The following CTNNA3 variants were observed in gnomAD, a reference collection of about 807,000 sequenced individuals.
The protein encoded by CTNNA3 is catenin alpha 3, also known as catenin alpha-3.
Under a neutral mutation model 95.7 loss-of-function variants are expected in CTNNA3, and 76 were observed. The observed-to-expected ratio is 0.79, with a 90% confidence interval of 0.66 to 0.96. The LOEUF (loss-of-function observed/expected upper bound fraction) is 0.96. Among genes scored for constraint, CTNNA3 ranks in the 40% least tolerant of loss-of-function variants. The pLI, the probability that CTNNA3 is intolerant of heterozygous loss-of-function variation, is 0.00. For missense variants in CTNNA3, 1,191 were observed against 1,089.8 expected (o/e 1.09, Z -1.31); for synonymous variants, 431 against 374.4 (o/e 1.15, Z -1.74).
At chr10:67,274,495 G>A (rs576524183) in intron 5 of CTNNA3, among the ~76,000 whole-genome samples, 41 of 152,092 alleles carry the variant, frequency 2.7e-4, no homozygotes, top group Admixed American at 1.1e-3. Context: ...ATTTACAATC[G>A]CCATGAGAGA....
Position 67,730,311 on chromosome 10 carries a change from T to C in CTNNA3, c.-2+33123A>G, listed in dbSNP as rs536838544. On this transcript the variant is annotated intron_variant, in intron 1 of 17. Transcript: ENST00000684154. ...CAAAATTTAGCCCTCATTGGACCTT[T>C]CCTTGGGCATTTTTTTTTTAAGAAT... Among the ~76,000 whole-genome samples, 11 of 150,134 alleles carry C rather than the reference T, an allele frequency of 7.3e-5. 1 individual carries two copies. The East Asian group carries it at 1.7e-3, about 24-fold the overall frequency.
At chr10:66,293,890 C>T (rs968035047) in intron 12 of CTNNA3, among the ~76,000 whole-genome samples, 3 of 152,022 alleles carry the variant, frequency 2.0e-5, no homozygotes, top group Admixed American at 6.6e-5. Context: ...TGGTCTTGAA[C>T]TCCTGACCTC....
At chr10:66,038,147 T>C (rs961233456) in intron 15 of CTNNA3, among the ~76,000 whole-genome samples, 6 of 152,240 alleles carry the variant, frequency 3.9e-5, no homozygotes, top group Non-Finnish European at 8.8e-5. Flanking sequence ...TACAGTTTCA[T>C]GTCTATATGT....
chr10:66,962,219 G>A (rs1849148511), intron 7 of CTNNA3, among the ~76,000 whole-genome samples: 2 of 151,924 alleles, frequency 1.3e-5, no homozygotes, highest in African/African-American at 4.8e-5. Flanking sequence ...ATGCCTCAAG[G>A]CCTAACAGAA....
intron 10 of CTNNA3, among the ~76,000 whole-genome samples, chr10:66,529,450 G>GTT (rs58249940): frequency 5.5e-4 from 78 of 141,592 alleles, no homozygotes; most frequent in African/African-American, 1.5e-3. Flanking sequence ...TTTTTTTTTT[G>GTT]TTTTTTTTTT....
Position 67,723,269 on chromosome 10 carries a change from G to T in CTNNA3, c.-2+40165C>A, listed in dbSNP as rs77484418. Among the ~76,000 whole-genome samples the T allele has an allele frequency of 0.033, 5,021 of 151,448 alleles. 600 individuals are homozygous for T. In the East Asian group the frequency reaches 0.44, roughly 13 times the overall value. On this transcript the variant is annotated intron_variant, in intron 1 of 17. Transcript: ENST00000684154. ...CCCAAAGTGCTGGGATTATAGGCATGAGCCACGGCACCTGGCCTCTTTTTT... is the reference window on the plus strand; with the variant it reads ...CCCAAAGTGCTGGGATTATAGGCATTAGCCACGGCACCTGGCCTCTTTTTT...
intron 7 of CTNNA3, among the ~76,000 whole-genome samples, chr10:66,946,626 C>T (rs369527402): frequency 1.8e-4 from 27 of 152,184 alleles, no homozygotes; most frequent in Non-Finnish European, 2.9e-4. Context: ...TTTACATAAA[C>T]GCAATCATAA....
intron 5 of CTNNA3, among the ~76,000 whole-genome samples, chr10:67,386,356 T>C (rs116689581): frequency 0.012 from 1,900 of 152,288 alleles, 40 homozygotes; most frequent in African/African-American, 0.042. Flanking sequence ...TTTTTCTTTA[T>C]ACAGACATTA....
intron 7 of CTNNA3, among the ~76,000 whole-genome samples, chr10:66,908,619 A>G (rs185711010): frequency 6.6e-6 from 1 of 152,292 alleles, no homozygotes; most frequent in East Asian, 1.9e-4. Flanking sequence ...ATAAACTGAG[A>G]ACTTATAAAA....
At chr10:66,147,625 T>C (rs1488832516) in intron 13 of CTNNA3, among the ~76,000 whole-genome samples, 1 of 150,052 alleles carries the variant, frequency 6.7e-6, no homozygotes. Flanking sequence ...TTTTTTTTTT[T>C]TTTTTGTCGT....
chr10:67,527,415 A>T (rs1256726886), intron 4 of CTNNA3, among the ~76,000 whole-genome samples: 1 of 152,210 alleles, frequency 6.6e-6, no homozygotes, highest in Non-Finnish European at 1.5e-5. Context: ...GCAAGGAAAA[A>T]ATTAATCTTG....
intron 5 of CTNNA3, among the ~76,000 whole-genome samples, chr10:67,454,045 T>G (rs372983473): frequency 6.6e-6 from 1 of 152,164 alleles, no homozygotes; most frequent in Non-Finnish European, 1.5e-5. Flanking sequence ...AAATAAAATA[T>G]GCATTGGATA....
At chr10:66,639,183 T>C (rs1845434757) in intron 9 of CTNNA3, among the ~76,000 whole-genome samples, 2 of 130,716 alleles carry the variant, frequency 1.5e-5, no homozygotes, top group South Asian at 5.3e-4. Context: ...TCAAAGGCTA[T>C]GGTACATTAG....
chr10:67,356,928 CATAATGA>C (rs1205551629), intron 5 of CTNNA3, among the ~76,000 whole-genome samples: 3 of 152,142 alleles, frequency 2.0e-5, no homozygotes, highest in African/African-American at 7.2e-5. Context: ...ACTTTAAATT[CATAATGA>C]TAATCTTCAA....
chr10:67,037,776 AC>A (rs1854154698), intron 7 of CTNNA3, among the ~76,000 whole-genome samples: 2 of 152,200 alleles, frequency 1.3e-5, no homozygotes, highest in Non-Finnish European at 2.9e-5. Flanking sequence ...TTTAACTTGA[AC>A]AAATACATGG....
At chr10:66,867,145 T>C (rs1316380032) in intron 7 of CTNNA3, among the ~76,000 whole-genome samples, 2 of 152,156 alleles carry the variant, frequency 1.3e-5, no homozygotes, top group African/African-American at 2.4e-5. Flanking sequence ...AATTACCCAG[T>C]CTCAGGTATG....
At chr10:67,105,943 G>A (rs540256354) in intron 7 of CTNNA3, among the ~76,000 whole-genome samples, 4 of 152,294 alleles carry the variant, frequency 2.6e-5, no homozygotes, top group African/African-American at 9.6e-5. Context: ...TAAGTTCAGT[G>A]TATTGGACAT....
chr10:66,405,856 T>C (rs1442919769), intron 11 of CTNNA3, among the ~76,000 whole-genome samples: 1 of 152,182 alleles, frequency 6.6e-6, no homozygotes, highest in Non-Finnish European at 1.5e-5. Flanking sequence ...TCTACTCCCT[T>C]GGACAGAATA....
chr10:66,890,351 T>C (rs1163862417), intron 7 of CTNNA3, among the ~76,000 whole-genome samples: 1 of 150,860 alleles, frequency 6.6e-6, no homozygotes, highest in Admixed American at 6.6e-5. Context: ...GGAGAGGCTC[T>C]GAGGCATTCA....
Sources: gnomAD v4.1 joint callset for allele counts (sites outside exome capture counted in the v4.1 genomes callset) on GRCh38, gnomAD v4.1.1 for gene constraint, MANE v1.5 for transcripts, NCBI Gene and HGNC (gene_info 2026-07-23, HGNC 2026-07-21) for gene names.